Variants in RFTN2 observed in about 807,000 individuals in gnomAD.
RFTN2 encodes raftlin family member 2, also known as raftlin-2.
Under a neutral mutation model 52.7 loss-of-function variants are expected in RFTN2, and 34 were observed. The observed-to-expected ratio is 0.64, with a 90% CI of 0.49 to 0.86. RFTN2 has a LOEUF of 0.86. Ranked by LOEUF, RFTN2 falls within the 40% of genes least tolerant of loss-of-function variation. The pLI is 0.00. For missense variants in RFTN2, 536 were observed against 600.1 expected (o/e 0.89, Z 1.12); for synonymous variants, 203 against 217.7 (o/e 0.93, Z 0.59).
intron 8 of RFTN2, among the ~76,000 whole-genome samples, chr2:197,584,670 C>T (rs189106675): frequency 6.6e-6 from 1 of 152,274 alleles, no homozygotes; most frequent in Non-Finnish European, 1.5e-5. Flanking sequence ...GTGTTTTAGA[C>T]ATGAGGACTG....
At chr2:197,604,823 C>G (rs1453246503) in intron 7 of RFTN2, among the ~76,000 whole-genome samples, 1 of 152,070 alleles carries the variant, frequency 6.6e-6, no homozygotes, top group African/African-American at 2.4e-5. Context: ...TGCAGTGGTG[C>G]AATCTTGGCT....
intron 8 of RFTN2, among the ~76,000 whole-genome samples, chr2:197,593,293 C>T (rs553226299): frequency 1.3e-5 from 2 of 152,222 alleles, no homozygotes; most frequent in East Asian, 3.9e-4. Context: ...GTAACCCTAA[C>T]TACTTGGGAG....
chr2:197,652,995 C>T (rs1029467752), intron 1 of RFTN2, among the ~76,000 whole-genome samples: 6 of 152,172 alleles, frequency 3.9e-5, no homozygotes, highest in Non-Finnish European at 8.8e-5. Flanking sequence ...TCACTAAGTT[C>T]TTTATTGAGC....
At chr2:197,646,424 T>G in intron 2 of RFTN2, 59 bp downstream of exon 2, 10 of 1,411,532 alleles carry the variant, frequency 7.1e-6, no homozygotes, top group Admixed American at 2.2e-5. Context: ...AATTTTTTTT[T>G]CTTTTAGACA....
rs1047843138 is a variant in RFTN2 at position 197,578,815 on chromosome 2, A to C, written c.1234-6535T>G. ...TTCGGATTGGGGGACCACCCTTGGC[A>C]GATCAATCCCCTGTCCTCCTGCTCT... On this transcript the variant is annotated intron_variant, in intron 8 of 8. Transcript: ENST00000295049. Among the ~76,000 whole-genome samples, 5 of 152,204 alleles carry C rather than the reference A, an allele frequency of 3.3e-5. No individual in the cohort carries two copies. In the East Asian group the frequency reaches 9.6e-4, roughly 29 times the overall value.
intron 4 of RFTN2, among the ~76,000 whole-genome samples, chr2:197,632,849 G>C (rs948234316): frequency 6.6e-6 from 1 of 152,226 alleles, no homozygotes; most frequent in Non-Finnish European, 1.5e-5. Flanking sequence ...TGCTCCTCCA[G>C]TGCCAACACT....
intron 7 of RFTN2, among the ~76,000 whole-genome samples, chr2:197,600,234 TG>T (rs2087860320): frequency 6.6e-6 from 1 of 152,120 alleles, no homozygotes; most frequent in Admixed American, 6.6e-5. Context: ...GAGTGCTGTT[TG>T]GGGAGTCTAA....
intron 1 of RFTN2, among the ~76,000 whole-genome samples, chr2:197,673,807 C>T (rs76481887): frequency 0.01 from 1,523 of 152,262 alleles, 16 homozygotes; most frequent in South Asian, 0.029. Context: ...AAAAACTTTT[C>T]AAGTTACTTT....
intron 1 of RFTN2, among the ~76,000 whole-genome samples, chr2:197,667,806 T>A (rs2089082667): frequency 6.6e-6 from 1 of 152,224 alleles, no homozygotes; most frequent in African/African-American, 2.4e-5. Flanking sequence ...TAGGCCAGTC[T>A]TTGGGCCCCA....
At chr2:197,674,922 G>A (rs2089195876) in intron 1 of RFTN2, among the ~76,000 whole-genome samples, 1 of 151,786 alleles carries the variant, frequency 6.6e-6, no homozygotes, top group Non-Finnish European at 1.5e-5. Flanking sequence ...ACTCTTCCAC[G>A]ATATGATGCA....
At chr2:197,668,658 C>T (rs190683551) in intron 1 of RFTN2, among the ~76,000 whole-genome samples, 1 of 152,266 alleles carries the variant, frequency 6.6e-6, no homozygotes, top group East Asian at 1.9e-4. Flanking sequence ...GGGCAACAGT[C>T]TGCATTTCTC....
intron 1 of RFTN2, among the ~76,000 whole-genome samples, chr2:197,658,405 G>A (rs2088924519): frequency 6.6e-6 from 1 of 151,652 alleles, no homozygotes; most frequent in South Asian, 2.1e-4. Flanking sequence ...TGAGTAGCTG[G>A]GACCACAGGC....
At chr2:197,601,578 A>C (rs1367672528) in intron 7 of RFTN2, among the ~76,000 whole-genome samples, 1 of 151,988 alleles carries the variant, frequency 6.6e-6, no homozygotes, top group Non-Finnish European at 1.5e-5. Flanking sequence ...GCAAATGTAG[A>C]GTGACTACAT....
chr2:197,591,010 A>T (rs1377622989), intron 8 of RFTN2, among the ~76,000 whole-genome samples: 1 of 152,158 alleles, frequency 6.6e-6, no homozygotes, highest in Admixed American at 6.5e-5. Flanking sequence ...CCCCACCCAC[A>T]TCCTGCTGAT....
intron 1 of RFTN2, among the ~76,000 whole-genome samples, chr2:197,651,964 A>G (rs779873603): frequency 5.3e-5 from 8 of 152,248 alleles, no homozygotes; most frequent in Admixed American, 1.3e-4. Flanking sequence ...GTGAAACACA[A>G]AAGTCCATAG....
At chr2:197,577,313 T>TAC (rs1337200630) in intron 8 of RFTN2, among the ~76,000 whole-genome samples, 16 of 152,260 alleles carry the variant, frequency 1.1e-4, no homozygotes, top group South Asian at 2.1e-4. Context: ...TCACAAAGTC[T>TAC]ACAGTAGGTC....
intron 1 of RFTN2, among the ~76,000 whole-genome samples, chr2:197,656,723 T>C (rs1261186880): frequency 1.3e-5 from 2 of 152,200 alleles, no homozygotes; most frequent in South Asian, 2.1e-4. Flanking sequence ...TCTAACTCAC[T>C]TTCTAGAGCA....
In RFTN2 at chr2:197,579,590, C is replaced by T. The variant is rs184576618; in HGVS notation, c.1234-7310G>A. On this transcript the variant is annotated intron_variant, in intron 8 of 8. Transcript: ENST00000295049. ...TGGGCAAACGGTCTGAGATGCCTGA[C>T]GTCCAGGCATTCTTTTACACATCGG... 8.5e-5 allele frequency among the ~76,000 whole-genome samples: 13 copies of T among 152,250 alleles called. No homozygotes were observed. The East Asian group carries it at 1.2e-3, about 14-fold the overall frequency.
chr2:197,633,653 A>C (rs1365815585), intron 4 of RFTN2, 65 bp downstream of exon 4: 1 of 1,345,010 alleles, frequency 7.4e-7, no homozygotes. Context: ...TTTCTAAAAA[A>C]AACCTCAAAA....
Sources: allele counts gnomAD v4.1 joint callset (sites outside exome capture counted in the v4.1 genomes callset), GRCh38; gene constraint gnomAD v4.1.1; transcripts MANE v1.5; gene names NCBI Gene and HGNC (gene_info 2026-07-23, HGNC 2026-07-21).